Variants in NEXMIF observed in about 807,000 individuals in gnomAD.
NEXMIF encodes the protein neurite extension and migration factor.
In NEXMIF, 8 loss-of-function variants were observed where a neutral mutation model predicts 62.1. The observed-to-expected ratio is 0.13, with a 90% CI of 0.08 to 0.23. The LOEUF (loss-of-function observed/expected upper bound fraction) is 0.23. Among genes scored for constraint, NEXMIF ranks in the 10% least tolerant of loss-of-function variants. The pLI, the probability that NEXMIF is intolerant of heterozygous loss-of-function variation, is 1.00. For missense variants in NEXMIF, 976 were observed against 1,113.3 expected (o/e 0.88, Z 1.75); for synonymous variants, 404 against 416.6 (o/e 0.97, Z 0.37).
rs184380739 is a variant in NEXMIF, at chrX:74,833,183, C to T, written c.-47-87486G>A. 1.9e-4 allele frequency among the ~76,000 whole-genome samples: 20 copies of T among 107,373 alleles called. No homozygotes were observed. The East Asian group carries it at 5.9e-3, about 32-fold the overall frequency. The allele number at this position is 107,373 out of a possible 115,157, so 93.2% of individuals were successfully genotyped here. On this transcript the variant is annotated intron_variant, in intron 1 of 3. Coordinates refer to ENST00000055682, the MANE Select transcript of NEXMIF (RefSeq NM_001008537.3). ...TTTCTTTGTTGATTGTCTGGAACAT[C>T]TGCCTAATGCTGAAAGTAGAGTGTT...
In NEXMIF at chrX:74,744,257, G is replaced by A. The variant is rs759015094; in HGVS notation, c.300C>T (p.Ser100=). Reference sequence around the variant, plus strand: ...GGCCTTTTGCAATGCCAGATGTGAGGGAGATGGCATTCACAGAAGCACTAT... The same window carrying A: ...GGCCTTTTGCAATGCCAGATGTGAGAGAGATGGCATTCACAGAAGCACTAT... ...AANSASVNAI[S]LTSGIAKGLN... is the part of the protein sequence containing the mutation. Residue 100 remains serine (S), a synonymous_variant, in exon 3 of 4, where the codon TCC becomes TCT. Coordinates refer to ENST00000055682, the MANE Select transcript of NEXMIF (RefSeq NM_001008537.3). The A allele has an allele frequency of 8.3e-7, 1 of 1,210,671 alleles. No individual in the cohort carries two copies. The highest frequency in any genetic ancestry group is 1.1e-6 in the Non-Finnish European group (1 of 894,565).
chrX:74,863,301 T>C (rs777669776), intron 1 of NEXMIF, among the ~76,000 whole-genome samples: 7 of 109,383 alleles, frequency 6.4e-5, no homozygotes, highest in East Asian at 2.9e-4. Context: ...CTGAAGGAGA[T>C]AGAGACACAA....
intron 3 of NEXMIF, 186 bp downstream of exon 3, chrX:74,739,914 G>T: frequency 2.4e-6 from 1 of 424,700 alleles, no homozygotes; most frequent in Non-Finnish European, 4.0e-6. Context: ...TCTTTTGGGT[G>T]GCTTAAAGGT....
intron 1 of NEXMIF, among the ~76,000 whole-genome samples, chrX:74,761,068 C>T (rs1040830853): frequency 1.5e-4 from 16 of 109,551 alleles, no homozygotes; most frequent in Non-Finnish European, 2.8e-4. Flanking sequence ...ATGGGTTTCA[C>T]TATGTTGGTC....
intron 1 of NEXMIF, among the ~76,000 whole-genome samples, chrX:74,888,232 A>G (rs1003908823): frequency 2.7e-5 from 3 of 109,186 alleles, no homozygotes; most frequent in African/African-American, 1.0e-4. Context: ...TGGCACATGT[A>G]TACATATGTA....
chrX:74,924,378 T>C (rs752522608), intron 1 of NEXMIF, among the ~76,000 whole-genome samples: 11 of 112,775 alleles, frequency 9.8e-5, no homozygotes, highest in Non-Finnish European at 1.3e-4. Flanking sequence ...GAGTGGCGCG[T>C]GTCCTGGGGG....
In NEXMIF at chrX:74,921,312, A is replaced by G. The variant is rs765304230; in HGVS notation, c.-48+3571T>C. ...AAAGACTCTATCATCACTAAAAGGC[A>G]GCTTTCCCCAACCCTCCACTTTCCC... On this transcript the variant is annotated intron_variant, in intron 1 of 3. Transcript: ENST00000055682. Among the ~76,000 whole-genome samples the G allele has an allele frequency of 1.1e-4, 12 of 111,165 alleles. No individual in the cohort carries two copies. In the South Asian group the frequency reaches 4.6e-3, roughly 43 times the overall value.
Position 74,925,128 on chromosome X carries a change from C to G in NEXMIF, c.-293G>C, listed in dbSNP as rs2080840185. Reference sequence around the variant, plus strand: ...TCCCTCAGGCTCCGCCGCCGCCGCGCTAGATGGAGTCAGAGCTGTCGGGCT... The same window carrying G: ...TCCCTCAGGCTCCGCCGCCGCCGCGGTAGATGGAGTCAGAGCTGTCGGGCT... On this transcript the variant is annotated 5_prime_UTR_variant, in exon 1 of 4. Transcript: ENST00000055682. The G allele has an allele frequency of 8.6e-6, 1 of 116,675 alleles. No individual in the cohort carries two copies. The highest frequency in any genetic ancestry group is 3.2e-5 in the African/African-American group (1 of 31,412). The allele number at this position is 116,675 out of a possible 1,213,427, so 9.6% of individuals were successfully genotyped here. A position where few individuals can be genotyped will look rare whatever the true frequency, so the allele number is the denominator to read the frequency against.
intron 1 of NEXMIF, among the ~76,000 whole-genome samples, chrX:74,787,119 A>AAAAAAG: frequency 9.5e-6 from 1 of 105,354 alleles, no homozygotes. Flanking sequence ...AAAAAAAAAA[A>AAAAAAG]AAAAAGAAAA....
At chrX:74,846,118 C>T (rs5937904) in intron 1 of NEXMIF, among the ~76,000 whole-genome samples, 6,204 of 112,713 alleles carry the variant, frequency 0.055, 202 homozygotes, top group African/African-American at 0.12. Context: ...GTTCTTCTCC[C>T]AGCCACCCTC....
intron 1 of NEXMIF, among the ~76,000 whole-genome samples, chrX:74,922,337 GGTGTGT>G (rs3040908): frequency 0.12 from 12,296 of 100,470 alleles, 1,776 homozygotes; most frequent in African/African-American, 0.41. Context: ...GGGTGTTATG[GGTGTGT>G]GTGTGTGTGT....
chrX:74,791,372 G>C (rs1487387577), intron 1 of NEXMIF, among the ~76,000 whole-genome samples: 2 of 111,202 alleles, frequency 1.8e-5, no homozygotes, highest in Non-Finnish European at 3.8e-5. Flanking sequence ...TGCTGGATTC[G>C]GTTTGCCAGT....
In NEXMIF at chrX:74,874,688, C is replaced by A. The variant is rs780577532; in HGVS notation, c.-48+50195G>T. ...TTTCCTTGAGCAGTGGTTTGTAGTT[C>A]TCCTTGAAGAGGTCCTTCACATCCC... On this transcript the variant is annotated intron_variant, in intron 1 of 3. Coordinates refer to ENST00000055682, the MANE Select transcript of NEXMIF (RefSeq NM_001008537.3). Among the ~76,000 whole-genome samples, 91 of 91,744 alleles carry A rather than the reference C, an allele frequency of 9.9e-4. 1 individual carries two copies. In the East Asian group the frequency reaches 0.025, roughly 25 times the overall value. 79.7% of individuals were successfully genotyped at this position (91,744 alleles called of 115,157 possible).
chrX:74,796,008 TA>T (rs1162888211), intron 1 of NEXMIF, among the ~76,000 whole-genome samples: 5 of 98,647 alleles, frequency 5.1e-5, no homozygotes, highest in Admixed American at 3.7e-4. Flanking sequence ...GTCATTGTTA[TA>T]GGGGGAAGTT....
At chrX:74,924,242 C>T (rs1479019592) in intron 1 of NEXMIF, among the ~76,000 whole-genome samples, 1 of 111,642 alleles carries the variant, frequency 9.0e-6, no homozygotes, top group Non-Finnish European at 1.9e-5. Context: ...CCAGAAGCCA[C>T]ACAGAAAAGC....
chrX:74,749,059 A>C (rs2080133920), intron 1 of NEXMIF, among the ~76,000 whole-genome samples: 1 of 111,710 alleles, frequency 9.0e-6, no homozygotes, highest in Admixed American at 9.5e-5. Context: ...TCTGTTCTCA[A>C]GATGCTCAGA....
chrX:74,812,488 T>C (rs2080363492), intron 1 of NEXMIF, among the ~76,000 whole-genome samples: 1 of 111,916 alleles, frequency 8.9e-6, no homozygotes, highest in African/African-American at 3.2e-5. Flanking sequence ...TGACAAGTAA[T>C]CAATTAAGGT....
At chrX:74,818,094 T>TA (rs990735062) in intron 1 of NEXMIF, among the ~76,000 whole-genome samples, 7 of 108,178 alleles carry the variant, frequency 6.5e-5, no homozygotes, top group Non-Finnish European at 7.7e-5. Flanking sequence ...TTCACAGAAT[T>TA]AAAAAAAAAT....
At chrX:74,792,503 C>G (rs1186925183) in intron 1 of NEXMIF, among the ~76,000 whole-genome samples, 7 of 102,600 alleles carry the variant, frequency 6.8e-5, no homozygotes, top group Admixed American at 1.1e-4. Flanking sequence ...GCTTGGTGCA[C>G]AGCTGAGTTC....
Sources: gnomAD v4.1 joint callset for allele counts (sites outside exome capture counted in the v4.1 genomes callset) on GRCh38, gnomAD v4.1.1 for gene constraint, MANE v1.5 for transcripts, NCBI Gene and HGNC (gene_info 2026-07-23, HGNC 2026-07-21) for gene names.